GALNT13: variants seen among roughly 807,000 people sequenced by gnomAD.
GALNT13 encodes polypeptide N-acetylgalactosaminyltransferase 13.
In GALNT13, 28 loss-of-function variants were observed where a neutral mutation model predicts 64.2. The ratio of observed to expected loss-of-function variants is 0.44; its 90% confidence interval spans 0.32 to 0.60. The LOEUF is 0.60. Among genes scored for constraint, GALNT13 ranks in the 20% least tolerant of loss-of-function variants. The probability of loss-of-function intolerance (pLI) is 0.05; values close to 1 mark genes in which losing one functional copy is unlikely to be tolerated. For synonymous variants in GALNT13, 214 were observed against 224.6 expected, an observed-to-expected ratio of 0.95 and a Z score of 0.42; for missense variants, 577 against 669.8, an observed-to-expected ratio of 0.86 and a Z score of 1.53.
chr2:154,160,127 A>C (rs942092730), intron 4 of GALNT13, among the ~76,000 whole-genome samples: 1 of 152,042 alleles, frequency 6.6e-6, no homozygotes, highest in Non-Finnish European at 1.5e-5. Context: ...GTTTTTGGCC[A>C]TTTTCAGCTA....
chr2:154,250,160 A>G (rs1689993733), intron 7 of GALNT13, among the ~76,000 whole-genome samples: 1 of 152,132 alleles, frequency 6.6e-6, no homozygotes, highest in African/African-American at 2.4e-5. Context: ...TGAAATGAGC[A>G]ATGTCTTTGA....
At chr2:153,854,992 C>T in the GALNT13 span, among the ~76,000 whole-genome samples, 1 of 151,944 alleles carries the variant, frequency 6.6e-6, no homozygotes, top group African/African-American at 2.4e-5. Context: ...CATAAATGAG[C>T]CAACGTGTAT....
chr2:153,233,767 T>G, the GALNT13 span, among the ~76,000 whole-genome samples: 1 of 152,148 alleles, frequency 6.6e-6, no homozygotes, highest in Non-Finnish European at 1.5e-5. Context: ...ATGGCAGAAA[T>G]GAATCATCAC....
the GALNT13 span, among the ~76,000 whole-genome samples, chr2:153,432,976 T>C: frequency 6.6e-6 from 1 of 152,006 alleles, no homozygotes; most frequent in Non-Finnish European, 1.5e-5. Flanking sequence ...TAAACACACA[T>C]AACACGCACT....
chr2:153,475,474 G>A, the GALNT13 span, among the ~76,000 whole-genome samples: 31 of 152,310 alleles, frequency 2.0e-4, no homozygotes, highest in Middle Eastern at 3.4e-3. Flanking sequence ...GCAGGGAAGA[G>A]GAAAGAGATG....
the GALNT13 span, among the ~76,000 whole-genome samples, chr2:153,615,736 C>A: frequency 6.1e-4 from 93 of 152,002 alleles, no homozygotes; most frequent in African/African-American, 2.1e-3. Flanking sequence ...TCTTTTAAAT[C>A]GAAATGGAGA....
chr2:154,375,197 C>A (rs1180682206), intron 9 of GALNT13, among the ~76,000 whole-genome samples: 1 of 134,090 alleles, frequency 7.5e-6, no homozygotes, highest in East Asian at 2.2e-4. Flanking sequence ...ACCATGTTAG[C>A]CAGGATGATC....
At chr2:153,916,515 C>T (rs1262637553) in intron 2 of GALNT13, among the ~76,000 whole-genome samples, 2 of 74,294 alleles carry the variant, frequency 2.7e-5, no homozygotes, top group Admixed American at 2.1e-4. Context: ...GTTCTAACAT[C>T]ATACAGAACT....
intron 7 of GALNT13, among the ~76,000 whole-genome samples, chr2:154,250,186 A>G (rs997750694): frequency 5.3e-5 from 8 of 152,158 alleles, no homozygotes; most frequent in Non-Finnish European, 1.2e-4. Context: ...ATTAGGTTTT[A>G]AATTTATATC....
chr2:154,419,458 A>G (rs1179962051), intron 11 of GALNT13, among the ~76,000 whole-genome samples: 7 of 152,120 alleles, frequency 4.6e-5, no homozygotes, highest in African/African-American at 1.4e-4. Context: ...ATGTTTCTAC[A>G]TTTTGATTGT....
intron 3 of GALNT13, among the ~76,000 whole-genome samples, chr2:154,133,145 G>T (rs550119706): frequency 6.6e-6 from 1 of 152,250 alleles, no homozygotes; most frequent in African/African-American, 2.4e-5. Flanking sequence ...TTGTGAGCAA[G>T]AAAGGCAGAA....
At chr2:153,680,442 G>A in the GALNT13 span, among the ~76,000 whole-genome samples, 2 of 151,812 alleles carry the variant, frequency 1.3e-5, no homozygotes, top group Admixed American at 6.6e-5. Flanking sequence ...AAAAATATGT[G>A]GGAACTAGGA....
the GALNT13 span, among the ~76,000 whole-genome samples, chr2:153,770,238 ATTTG>A: frequency 1.6e-5 from 2 of 125,208 alleles, no homozygotes; most frequent in East Asian, 5.0e-4. Context: ...GTTAGATTTC[ATTTG>A]GATGAAATTT....
chr2:154,231,710 T>C (rs1396670564), intron 4 of GALNT13, among the ~76,000 whole-genome samples: 1 of 150,226 alleles, frequency 6.7e-6, no homozygotes, highest in Non-Finnish European at 1.5e-5. Context: ...TAGTGTTGAA[T>C]TCACTGGGCC....
At chr2:154,299,377 A>G (rs565504451) in intron 8 of GALNT13, among the ~76,000 whole-genome samples, 20 of 152,122 alleles carry the variant, frequency 1.3e-4, no homozygotes, top group Middle Eastern at 3.4e-3. Flanking sequence ...GGAAGAATGT[A>G]AAAATGTGCG....
chr2:154,104,691 A>G (rs1318678036), intron 3 of GALNT13, among the ~76,000 whole-genome samples: 3 of 152,336 alleles, frequency 2.0e-5, no homozygotes, highest in East Asian at 3.9e-4. Context: ...GCCATACACT[A>G]GATCTCCAGG....
chr2:153,388,815 C>G, the GALNT13 span, among the ~76,000 whole-genome samples: 1 of 151,900 alleles, frequency 6.6e-6, no homozygotes, highest in Non-Finnish European at 1.5e-5. Flanking sequence ...ACCCAGAAAC[C>G]CAGGAGGACT....
the GALNT13 span, among the ~76,000 whole-genome samples, chr2:153,740,869 CT>C: frequency 1.3e-5 from 2 of 152,112 alleles, no homozygotes; most frequent in Non-Finnish European, 2.9e-5. Flanking sequence ...GGGCAGCCCC[CT>C]TTTAGCTCTC....
chr2:154,148,902 CT>C (rs1311955347), intron 4 of GALNT13, among the ~76,000 whole-genome samples: 1 of 151,958 alleles, frequency 6.6e-6, no homozygotes. Context: ...ATGGTAGTTT[CT>C]TTTGCTGTGC....
Sources: allele counts gnomAD v4.1 joint callset (sites outside exome capture counted in the v4.1 genomes callset), GRCh38; gene constraint gnomAD v4.1.1; transcripts MANE v1.5; gene names NCBI Gene and HGNC (gene_info 2026-07-23, HGNC 2026-07-21).